The following BBS9 variants were observed in gnomAD, a reference collection of about 807,000 sequenced individuals.
BBS9 encodes the protein protein PTHB1.
Under a neutral mutation model 117.7 loss-of-function variants are expected in BBS9, and 89 were observed. The ratio of observed to expected loss-of-function variants is 0.76; its 90% CI spans 0.64 to 0.90. The LOEUF (loss-of-function observed/expected upper bound fraction) is 0.90. BBS9 is among the 40% of genes least tolerant of loss of function. The pLI, the probability that BBS9 is intolerant of heterozygous loss-of-function variation, is 0.00. For missense variants in BBS9, 982 were observed against 1,042.2 expected, an observed-to-expected ratio of 0.94 and a Z score of 0.80; for synonymous variants, 379 against 370.9, an observed-to-expected ratio of 1.02 and a Z score of -0.25.
intron 10 of BBS9, among the ~76,000 whole-genome samples, chr7:33,339,183 T>G (rs990207590): frequency 4.6e-5 from 7 of 152,136 alleles, no homozygotes; most frequent in African/African-American, 1.7e-4. Context: ...GACTCTTGAT[T>G]CCTTCTATCT....
intron 5 of BBS9, among the ~76,000 whole-genome samples, chr7:33,180,682 C>CT (rs1797969301): frequency 6.6e-6 from 1 of 152,112 alleles, no homozygotes; most frequent in Non-Finnish European, 1.5e-5. Context: ...ACTAGTTCTT[C>CT]TTTTCGGCAC....
In BBS9 at chr7:33,623,169, T is replaced by C. The variant is rs117463856; in HGVS notation, c.2522-12008T>C. ...GCATATAACTGGCAAAGAATTAGTA[T>C]TTAGAGTGTCTAAGGAACCTCCAGC... On this transcript the variant is annotated intron_variant, in intron 21 of 21. Transcript: ENST00000671952. Among the ~76,000 whole-genome samples the C allele has an allele frequency of 8.8e-3, 1,333 of 152,254 alleles. 8 individuals carry two copies. The highest frequency in any genetic ancestry group is 0.014 in the Non-Finnish European group (938 of 68,008).
chr7:33,264,590 G>C (rs1456449888), intron 7 of BBS9, among the ~76,000 whole-genome samples: 1 of 152,030 alleles, frequency 6.6e-6, no homozygotes, highest in Admixed American at 6.6e-5. Context: ...AGATTGTAGA[G>C]TTGTACCACT....
chr7:33,585,720 T>C (rs1394010002), intron 21 of BBS9, among the ~76,000 whole-genome samples: 1 of 152,104 alleles, frequency 6.6e-6, no homozygotes, highest in Non-Finnish European at 1.5e-5. Flanking sequence ...TTGCATCCGG[T>C]TCATCACCCC....
At position 33,546,319 on chromosome 7, in the gene BBS9, C is replaced by A. The variant is rs554329596; in HGVS notation, c.2521+12143C>A. On this transcript the variant is annotated intron_variant, in intron 21 of 22. Coordinates refer to ENST00000242067, the MANE Select transcript of BBS9 (RefSeq NM_198428.3). The stretch of plus-strand genomic sequence containing the variant: ...AAAAGCTACATACTTAACCAGTTCC[C>A]TTTTGTCAAACATATAAACTGCTTC... Among the ~76,000 whole-genome samples the A allele has an allele frequency of 2.6e-4, 39 of 152,242 alleles. 1 individual carries two copies. The South Asian group carries it at 7.3e-3, about 28-fold the overall frequency.
intron 5 of BBS9, among the ~76,000 whole-genome samples, chr7:33,184,013 A>G (rs1798446126): frequency 6.6e-6 from 1 of 152,148 alleles, no homozygotes; most frequent in African/African-American, 2.4e-5. Context: ...ATAGCTTAAG[A>G]CCAGCCTCAC....
intron 21 of BBS9, among the ~76,000 whole-genome samples, chr7:33,590,103 T>A (rs1861590313): frequency 6.6e-6 from 1 of 152,052 alleles, no homozygotes; most frequent in Non-Finnish European, 1.5e-5. Flanking sequence ...ACAGATCAAG[T>A]CAGCTGAGAG....
intron 21 of BBS9, among the ~76,000 whole-genome samples, chr7:33,624,107 C>T (rs1865534467): frequency 6.6e-6 from 1 of 152,040 alleles, no homozygotes; most frequent in African/African-American, 2.4e-5. Context: ...AAATTTCAGC[C>T]CTTGAGAGAG....
intron 5 of BBS9, among the ~76,000 whole-genome samples, chr7:33,179,798 G>C (rs1412162010): frequency 6.6e-6 from 1 of 152,086 alleles, no homozygotes; most frequent in Non-Finnish European, 1.5e-5. Context: ...CAAAAAGGTT[G>C]GGGACCACTA....
At chr7:33,309,315 G>A (rs59602640) in intron 9 of BBS9, among the ~76,000 whole-genome samples, 5 of 147,116 alleles carry the variant, frequency 3.4e-5, no homozygotes, top group African/African-American at 9.7e-5. Flanking sequence ...ATTATAACAC[G>A]TTTGAGTGAA....
chr7:33,177,842 T>C, intron 5 of BBS9: 5 of 406,316 alleles, frequency 1.2e-5, no homozygotes, highest in African/African-American at 1.0e-4. Flanking sequence ...AAATACCCAA[T>C]CAAAATAATA....
intron 5 of BBS9, among the ~76,000 whole-genome samples, chr7:33,206,197 A>G (rs927035343): frequency 6.6e-6 from 1 of 152,242 alleles, no homozygotes; most frequent in Non-Finnish European, 1.5e-5. Flanking sequence ...AGCAGGAAAT[A>G]GATTCATGGC....
chr7:33,140,767 G>A (rs1196565997), intron 1 of BBS9, among the ~76,000 whole-genome samples: 2 of 152,074 alleles, frequency 1.3e-5, no homozygotes, highest in African/African-American at 4.8e-5. Context: ...AATTTGTATG[G>A]TTATATAATG....
chr7:33,294,132 A>G (rs534369187), intron 9 of BBS9, among the ~76,000 whole-genome samples: 1 of 152,304 alleles, frequency 6.6e-6, no homozygotes, highest in African/African-American at 2.4e-5. Flanking sequence ...TTTACATTAT[A>G]TGATGCTGTT....
At chr7:33,321,965 A>G (rs1811817887) in intron 9 of BBS9, among the ~76,000 whole-genome samples, 1 of 152,008 alleles carries the variant, frequency 6.6e-6, no homozygotes. Context: ...TTTTTTCAGC[A>G]TCAATCGAAA....
chr7:33,368,588 A>ACG (rs560606613), intron 17 of BBS9, among the ~76,000 whole-genome samples: 24,492 of 122,050 alleles, frequency 0.2, 2,294 homozygotes, highest in Non-Finnish European at 0.25. Flanking sequence ...ACACACACAC[A>ACG]CACACACACA....
At chr7:33,220,195 G>A (rs1448990288) in intron 5 of BBS9, among the ~76,000 whole-genome samples, 1 of 152,118 alleles carries the variant, frequency 6.6e-6, no homozygotes, top group African/African-American at 2.4e-5. Flanking sequence ...AGTTTATTTT[G>A]CAGATGAGGA....
At chr7:33,464,313 G>A (rs1839876085) in intron 19 of BBS9, among the ~76,000 whole-genome samples, 1 of 152,062 alleles carries the variant, frequency 6.6e-6, no homozygotes, top group Non-Finnish European at 1.5e-5. Flanking sequence ...TTGTAGATCA[G>A]AAGATTTGGG....
At chr7:33,510,051 T>C (rs921437744) in intron 20 of BBS9, among the ~76,000 whole-genome samples, 2 of 152,140 alleles carry the variant, frequency 1.3e-5, no homozygotes, top group Admixed American at 6.5e-5. Flanking sequence ...CCCCTTTTCA[T>C]GACAGAAGAA....
Sources: gnomAD v4.1 joint callset for allele counts (sites outside exome capture counted in the v4.1 genomes callset) on GRCh38, gnomAD v4.1.1 for gene constraint, MANE v1.5 for transcripts, NCBI Gene and HGNC (gene_info 2026-07-23, HGNC 2026-07-21) for gene names.